MAP4: variants seen among roughly 807,000 people sequenced by gnomAD.
The protein encoded by MAP4 is microtubule-associated protein 4.
Under a neutral mutation model 170.2 loss-of-function variants are expected in MAP4, and 76 were observed. That is an observed-to-expected ratio of 0.45 (90% CI 0.37 to 0.54). The LOEUF (loss-of-function observed/expected upper bound fraction) is 0.54. MAP4 is among the 20% of genes least tolerant of loss of function. MAP4 has a pLI of 0.00. For synonymous variants in MAP4, 909 were observed against 994.5 expected (o/e 0.91, Z 1.62); for missense variants, 2,506 against 2,748.0 (o/e 0.91, Z 1.97).
At chr3:48,044,531 G>A (rs2100123383) in intron 1 of MAP4, among the ~76,000 whole-genome samples, 1 of 151,982 alleles carries the variant, frequency 6.6e-6, no homozygotes, top group Non-Finnish European at 1.5e-5. Flanking sequence ...GGGAGGCCGA[G>A]GTGGGCAGAT....
intron 17 of MAP4, among the ~76,000 whole-genome samples, chr3:47,864,854 A>G (rs1393202575): frequency 6.6e-6 from 1 of 152,138 alleles, no homozygotes; most frequent in Non-Finnish European, 1.5e-5. Context: ...GCGACAGAGC[A>G]AGACTTTTTT....
intron 17 of MAP4, among the ~76,000 whole-genome samples, chr3:47,862,762 C>G (rs1057328447): frequency 2.6e-5 from 4 of 152,148 alleles, no homozygotes; most frequent in African/African-American, 9.7e-5. Flanking sequence ...CAGGTGTGAG[C>G]CACCGCGCCC....
chr3:47,971,215 G>A (rs756348164), intron 3 of MAP4, among the ~76,000 whole-genome samples: 2 of 152,190 alleles, frequency 1.3e-5, no homozygotes, highest in Non-Finnish European at 1.5e-5. Context: ...GGTGGAGTTC[G>A]GATGGATGTC....
rs1017803430 is a variant in MAP4, at chr3:48,088,106, A to G, written c.-20+667T>C. On this transcript the variant is annotated intron_variant, in intron 1 of 18. Transcript: ENST00000360240. ...CTCACACCGGCGGAGAACTTGTTCC[A>G]TGTGCTAAATCACAATCTCTGTTCT... Among the ~76,000 whole-genome samples the G allele has an allele frequency of 3.3e-5, 5 of 152,284 alleles. No individual in the cohort carries two copies. In the South Asian group the frequency reaches 1.0e-3, roughly 32 times the overall value.
upstream of MAP4, among the ~76,000 whole-genome samples, chr3:48,016,967 C>T (rs1196370372): frequency 2.0e-5 from 3 of 151,530 alleles, no homozygotes; most frequent in African/African-American, 2.4e-5. Flanking sequence ...TCAGTAGAGA[C>T]GAGGTTTCAT....
At chr3:47,949,236 C>T (rs1305657186) in intron 3 of MAP4, among the ~76,000 whole-genome samples, 30 of 151,928 alleles carry the variant, frequency 2.0e-4, no homozygotes, top group African/African-American at 6.8e-4. Context: ...GAGCCTGAGG[C>T]GGGCAGATCA....
chr3:48,014,632 G>A (rs1354634154), intron 1 of MAP4, among the ~76,000 whole-genome samples: 2 of 151,766 alleles, frequency 1.3e-5, no homozygotes, highest in Non-Finnish European at 2.9e-5. Context: ...GCACTCCGGC[G>A]TGGGCAACAG....
intron 3 of MAP4, among the ~76,000 whole-genome samples, chr3:47,947,209 C>T (rs1400106049): frequency 6.6e-6 from 1 of 152,082 alleles, no homozygotes; most frequent in Non-Finnish European, 1.5e-5. Context: ...GTCTTTGGTT[C>T]CCTCAGATTC....
At chr3:48,005,780 A>G (rs2100101981) in intron 1 of MAP4, among the ~76,000 whole-genome samples, 3 of 152,242 alleles carry the variant, frequency 2.0e-5, no homozygotes, top group African/African-American at 7.2e-5. Flanking sequence ...TTGTGAGGGC[A>G]GCACTTGAAT....
In MAP4 at chr3:48,005,812, C is replaced by T. The variant is rs528782766; in HGVS notation, c.-19-6933G>A. 5.9e-5 allele frequency among the ~76,000 whole-genome samples: 9 copies of T among 152,298 alleles called. No individual in the cohort carries two copies. The South Asian group carries it at 1.7e-3, about 28-fold the overall frequency. On this transcript the variant is annotated intron_variant, in intron 1 of 20. Coordinates refer to ENST00000683076, the MANE Select transcript of MAP4 (RefSeq NM_001385682.1). ...GAATCTTTGAAGAGCCCTGTAATTG[C>T]TCTTCTCTGCATGTCAGACCTAATG...
intron 1 of MAP4, among the ~76,000 whole-genome samples, chr3:48,040,916 G>T (rs2100121327): frequency 6.6e-6 from 1 of 152,088 alleles, no homozygotes; most frequent in East Asian, 1.9e-4. Flanking sequence ...AGCCAGGCTG[G>T]TCTTGAACCC....
At chr3:47,873,246 T>C (rs933215643) in intron 12 of MAP4, among the ~76,000 whole-genome samples, 4 of 152,254 alleles carry the variant, frequency 2.6e-5, no homozygotes, top group Non-Finnish European at 1.5e-5. Context: ...GCTTGGCATC[T>C]GGGTCACTCT....
chr3:47,874,141 CTCTCT>C (rs1254973390), intron 12 of MAP4, among the ~76,000 whole-genome samples: 1 of 152,176 alleles, frequency 6.6e-6, no homozygotes, highest in African/African-American at 2.4e-5. Flanking sequence ...ATCGCTGGGC[CTCTCT>C]GAGCTTTATT....
At chr3:47,857,354 GCCAGCTGGCTGC>G (rs2058232084) in intron 18 of MAP4, 65 bp downstream of exon 18, 1 of 1,197,330 alleles carries the variant, frequency 8.4e-7, no homozygotes, top group Admixed American at 1.7e-5. Context: ...ACCCTTGCCA[GCCAGCTGGCTGC>G]CCAGCTGACC....
intron 1 of MAP4, among the ~76,000 whole-genome samples, chr3:48,085,785 G>A (rs6789988): frequency 0.096 from 14,640 of 152,192 alleles, 2,374 homozygotes; most frequent in African/African-American, 0.33. Context: ...AGCCAGGCGC[G>A]GTGGCTCACG....
intron 5 of MAP4, 88 bp downstream of exon 5, chr3:47,921,677 C>T (rs1430431229): frequency 5.7e-6 from 4 of 704,704 alleles, no homozygotes; most frequent in Non-Finnish European, 1.0e-5. Context: ...AATCTTTTGT[C>T]ACAGAGCCCT....
At chr3:48,037,957 AGGAGTTTGAAACCAGCCT>A (rs1197822993) in intron 1 of MAP4, among the ~76,000 whole-genome samples, 1 of 152,106 alleles carries the variant, frequency 6.6e-6, no homozygotes, top group African/African-American at 2.4e-5. Flanking sequence ...ACCTGAGGTC[AGGAGTTTGAAACCAGCCT>A]GGCCAACATG....
intron 3 of MAP4, among the ~76,000 whole-genome samples, chr3:47,967,927 C>A (rs912134310): frequency 6.6e-6 from 1 of 152,134 alleles, no homozygotes; most frequent in African/African-American, 2.4e-5. Flanking sequence ...TGCACTCCAG[C>A]CTGGGTGACA....
At chr3:47,978,157 T>C (rs971320383) in intron 2 of MAP4, among the ~76,000 whole-genome samples, 6 of 152,196 alleles carry the variant, frequency 3.9e-5, no homozygotes, top group African/African-American at 7.2e-5. Flanking sequence ...ACCAGTTCCA[T>C]AGGAGAGCCC....
Sources: allele counts gnomAD v4.1 joint callset (sites outside exome capture counted in the v4.1 genomes callset), GRCh38; gene constraint gnomAD v4.1.1; transcripts MANE v1.5; gene names NCBI Gene and HGNC (gene_info 2026-07-23, HGNC 2026-07-21).